Variants in ZNF280D observed in about 807,000 individuals in gnomAD.
ZNF280D encodes the protein suppressor of hairy wing homolog 4.
A neutral mutation model predicts 94.7 loss-of-function variants in ZNF280D; 39 were observed. The observed-to-expected ratio is 0.41, with a 90% CI of 0.32 to 0.54. The LOEUF is 0.54. ZNF280D is among the 20% of genes least tolerant of loss of function. The pLI is 0.22. For synonymous variants in ZNF280D, 398 were observed against 377.6 expected, an observed-to-expected ratio of 1.05 and a Z score of -0.63; for missense variants, 1,090 against 1,149.3, an observed-to-expected ratio of 0.95 and a Z score of 0.75.
chr15:56,663,235 G>A (rs895170624), intron 16 of ZNF280D, among the ~76,000 whole-genome samples: 1 of 137,244 alleles, frequency 7.3e-6, no homozygotes, highest in African/African-American at 2.7e-5. Context: ...AGTGAACTGT[G>A]ATGGAGCCAC....
At chr15:56,724,824 G>T in intron 1 of ZNF280D, 1 of 447,792 alleles carries the variant, frequency 2.2e-6, no homozygotes, top group Non-Finnish European at 4.5e-6. Context: ...TGTCACTGAA[G>T]TAGTGCCAAT....
chr15:56,635,219 T>G lies in ZNF280D; in HGVS notation c.2291A>C (p.Glu764Ala), dbSNP rs2052291611. ...EIARPNMAER[E>A]TETSNSESKQ... ...CCTTTCAGAATTTGATGTTTCTGTT[T>G]CTCTTTCAGCCATGTTAGGTCTTGC... Residue 764 changes from glutamate (E) to alanine (A), a missense_variant, in exon 21 of 22, where the codon GAA becomes GCA. Transcript: ENST00000267807. 1 of 1,560,250 alleles carries G rather than the reference T, an allele frequency of 6.4e-7. No homozygotes were observed. Among genetic ancestry groups the G allele is most frequent in the Admixed American group, 1.9e-5 (1 of 51,988 alleles).
intron 19 of ZNF280D, among the ~76,000 whole-genome samples, chr15:56,645,698 C>A (rs1414482359): frequency 6.6e-6 from 1 of 152,114 alleles, no homozygotes; most frequent in South Asian, 2.1e-4. Context: ...AGGCACATGC[C>A]ACCATGCCTG....
At chr15:56,668,551 A>G (rs1182500792) in intron 14 of ZNF280D, among the ~76,000 whole-genome samples, 5 of 152,124 alleles carry the variant, frequency 3.3e-5, no homozygotes, top group Non-Finnish European at 7.4e-5. Context: ...AAGCTCAAAA[A>G]TAGCCTATAA....
intron 1 of ZNF280D, among the ~76,000 whole-genome samples, chr15:56,714,773 T>C (rs1383601297): frequency 2.0e-5 from 3 of 152,158 alleles, no homozygotes; most frequent in Non-Finnish European, 2.9e-5. Flanking sequence ...GCCAAAACAA[T>C]TCTCCAAGTT....
At chr15:56,730,095 C>T (rs1319461988) in intron 1 of ZNF280D, 1 of 152,022 alleles carries the variant, frequency 6.6e-6, no homozygotes, top group Non-Finnish European at 1.5e-5. Context: ...CCTTTTGACC[C>T]AGATGATAGT....
chr15:56,668,093 C>T, intron 14 of ZNF280D: 2 of 450,804 alleles, frequency 4.4e-6, no homozygotes, highest in South Asian at 1.6e-5. Context: ...CAGAGCATGG[C>T]TTTATATTGT....
chr15:56,733,428 C>CAGGGCGGGCG, intron 1 of ZNF280D, 30 bp downstream of exon 1: 1 of 1,049,732 alleles, frequency 9.5e-7, no homozygotes, highest in Non-Finnish European at 1.2e-6. Context: ...TGCTGCAGCG[C>CAGGGCGGGCG]AGGGCGGGCG....
chr15:56,666,888 C>T lies in ZNF280D; in HGVS notation c.1644G>A (p.Arg548=). The part of the protein sequence containing the change: ...SASTLQLSPP[R]TKNITAKNPA... ...GATTTTTAGCAGTTATATTTTTAGT[C>T]CTTGGAGGTGAGAGCTGAAGGGTAG... The change falls in exon 15 of 22, where the codon AGG becomes AGA. Residue 548 remains arginine, a synonymous_variant. Transcript: ENST00000267807. 6.2e-7 allele frequency: 1 copy of T among 1,613,714 alleles called. No homozygotes were observed. Among genetic ancestry groups the T allele is most frequent in the Non-Finnish European group, 8.5e-7 (1 of 1,179,874 alleles).
rs778273114 is a variant in ZNF280D, at chr15:56,689,256, AT to A, written c.670+43del. On this transcript the variant is annotated intron_variant, in intron 8 of 21. Transcript: ENST00000267807. ...TTATAGCCACTTCAAAAATGTATGT[AT>A]AAATACTATAACTTCTTTTTATGTA... is the stretch of plus-strand genomic sequence containing the variant. 13 of 1,575,808 alleles carry A rather than the reference AT, an allele frequency of 8.2e-6. No individual in the cohort carries two copies. In the South Asian group the frequency reaches 1.4e-4, roughly 17 times the overall value.
chr15:56,658,345 A>C, intron 17 of ZNF280D, 79 bp downstream of exon 17: 1 of 990,462 alleles, frequency 1.0e-6, no homozygotes, highest in Middle Eastern at 2.3e-4. Flanking sequence ...ATTCTACCTC[A>C]ATAAAGCTGT....
chr15:56,660,873 TAAAAG>T (rs2053893118), intron 16 of ZNF280D, among the ~76,000 whole-genome samples: 2 of 151,534 alleles, frequency 1.3e-5, no homozygotes, highest in Non-Finnish European at 2.9e-5. Context: ...CTAAGAAACA[TAAAAG>T]GAACAATTTC....
chr15:56,716,675 G>A (rs2058062815), intron 1 of ZNF280D, among the ~76,000 whole-genome samples: 1 of 152,038 alleles, frequency 6.6e-6, no homozygotes, highest in Non-Finnish European at 1.5e-5. Flanking sequence ...TCAGATTTGT[G>A]ACACAGTGTC....
intron 4 of ZNF280D, among the ~76,000 whole-genome samples, chr15:56,703,106 C>G (rs556901750): frequency 1.3e-5 from 2 of 152,214 alleles, no homozygotes; most frequent in South Asian, 4.1e-4. Context: ...TTTGAGTGGA[C>G]ATTTTAACAA....
intron 9 of ZNF280D, among the ~76,000 whole-genome samples, chr15:56,687,787 G>A (rs1017301011): frequency 3.3e-5 from 5 of 152,072 alleles, no homozygotes; most frequent in Admixed American, 6.5e-5. Flanking sequence ...AAAACACAAC[G>A]TGCAGTTATC....
intron 1 of ZNF280D, chr15:56,724,962 G>A (rs1182914767): frequency 4.7e-6 from 2 of 422,114 alleles, no homozygotes; most frequent in Non-Finnish European, 9.4e-6. Context: ...CAGCAATCCT[G>A]TATAGCTGAG....
intron 17 of ZNF280D, among the ~76,000 whole-genome samples, chr15:56,656,250 C>A (rs542916726): frequency 1.4e-4 from 21 of 152,080 alleles, no homozygotes; most frequent in Admixed American, 1.3e-3. Context: ...TAAATAGTTA[C>A]GGAATGAATA....
chr15:56,669,905 A>ATATATAT (rs2054623619), intron 13 of ZNF280D, among the ~76,000 whole-genome samples: 1 of 6,248 alleles, frequency 1.6e-4, no homozygotes, highest in Non-Finnish European at 3.1e-4. Context: ...TATATATAAT[A>ATATATAT]TATATATATT....
At chr15:56,670,110 A>T (rs1318344447) in intron 13 of ZNF280D, among the ~76,000 whole-genome samples, 1 of 123,700 alleles carries the variant, frequency 8.1e-6, no homozygotes, top group Admixed American at 1.0e-4. Context: ...ATAATTATAC[A>T]ACATATAATT....
Sources: allele counts gnomAD v4.1 joint callset (sites outside exome capture counted in the v4.1 genomes callset), GRCh38; gene constraint gnomAD v4.1.1; transcripts MANE v1.5; gene names NCBI Gene and HGNC (gene_info 2026-07-23, HGNC 2026-07-21).